ABL1: variants seen among roughly 807,000 people sequenced by gnomAD.
ABL1 encodes ABL proto-oncogene 1, non-receptor tyrosine kinase, also known as tyrosine-protein kinase ABL1.
A neutral mutation model predicts 94.7 loss-of-function variants in ABL1; 11 were observed. The observed-to-expected ratio is 0.12, with a 90% CI of 0.07 to 0.19. The LOEUF is 0.19. ABL1 is among the 10% of genes least tolerant of loss of function. ABL1 has a pLI of 1.00. For synonymous variants in ABL1, 656 were observed against 622.4 expected (o/e 1.05, Z -0.80); for missense variants, 1,082 against 1,489.4 (o/e 0.73, Z 4.50).
intron 1 of ABL1, among the ~76,000 whole-genome samples, chr9:130,771,489 A>G (rs1588232914): frequency 1.3e-5 from 2 of 152,192 alleles, no homozygotes; most frequent in South Asian, 2.1e-4. Flanking sequence ...TGACATATTC[A>G]TGTACATTAA....
chr9:130,834,949 C>A (rs1012955043), upstream of ABL1: 2 of 455,240 alleles, frequency 4.4e-6, no homozygotes, highest in Non-Finnish European at 8.8e-6. Context: ...TGGAGACGCC[C>A]CAGGCCGCGG....
chr9:130,760,602 C>T lies in ABL1; in HGVS notation c.136+46147C>T, dbSNP rs529594510. On this transcript the variant is annotated intron_variant, in intron 1 of 10. Transcript: ENST00000372348. ...ACTAAATTCTCAGTATACTGCTTCT[C>T]TAGTTGTTAAGGAAGAAAATTTCTC... Among the ~76,000 whole-genome samples the T allele has an allele frequency of 3.9e-5, 6 of 151,962 alleles. No individual in the cohort carries two copies. In the East Asian group the frequency reaches 7.7e-4, roughly 20 times the overall value.
At chr9:130,775,859 C>T (rs919992526) in intron 1 of ABL1, among the ~76,000 whole-genome samples, 1 of 152,016 alleles carries the variant, frequency 6.6e-6, no homozygotes, top group Non-Finnish European at 1.5e-5. Context: ...CCCTATTAAA[C>T]TCAAAGGAGA....
At chr9:130,869,769 G>T (rs72765074) in intron 4 of ABL1, among the ~76,000 whole-genome samples, 99 of 152,276 alleles carry the variant, frequency 6.5e-4, no homozygotes, top group Non-Finnish European at 1.2e-3. Flanking sequence ...ACAGAATTGC[G>T]TCAGGGATAT....
Position 130,863,360 on chromosome 9 carries a change from A to G in ABL1, c.822+325A>G, listed in dbSNP as rs1375908142. Among the ~76,000 whole-genome samples the G allele has an allele frequency of 6.6e-6, 1 of 152,168 alleles. No homozygotes were observed. The highest frequency in any genetic ancestry group is 1.5e-5 in the Non-Finnish European group (1 of 68,038). On this transcript the variant is annotated intron_variant, in intron 4 of 10. Coordinates refer to ENST00000318560, the MANE Select transcript of ABL1 (RefSeq NM_005157.6). The surrounding 1 kb of genome is among the most constrained non-coding windows in gnomAD (Gnocchi z 4.3). ...TGGATTTCCATGCTGTTCGTGCGGCATGGAGATCACTTCCTACCGAGAGTT... is the reference window on the plus strand; with the variant it reads ...TGGATTTCCATGCTGTTCGTGCGGCGTGGAGATCACTTCCTACCGAGAGTT...
chr9:130,773,165 A>C (rs989355112), intron 1 of ABL1, among the ~76,000 whole-genome samples: 5 of 152,076 alleles, frequency 3.3e-5, no homozygotes, highest in Non-Finnish European at 4.4e-5. Context: ...TACTGAAAAT[A>C]CAAAATTAGC....
rs1184484137 is a variant in ABL1, at chr9:130,862,598, G to C, written c.550-165G>C. On this transcript the variant is annotated intron_variant, in intron 3 of 10. Transcript: ENST00000318560. This position sits in a 1 kb window ranked among gnomAD's most constrained non-coding sequence, Gnocchi z 5.5. ...GAGCGAGTAACTTAGAGCACACGTA[G>C]AGAAAGACAGCAGAAGTGATCTTCT... is the stretch of plus-strand genomic sequence containing the variant. Among the ~76,000 whole-genome samples the C allele has an allele frequency of 1.3e-5, 2 of 152,054 alleles. No individual in the cohort carries two copies. Among genetic ancestry groups the C allele is most frequent in the African/African-American group, 4.8e-5 (2 of 41,318 alleles).
Position 130,863,127 on chromosome 9 carries a change from C to A in ABL1, c.822+92C>A. 3 of 1,411,200 alleles carry A rather than the reference C, an allele frequency of 2.1e-6. No homozygotes were observed. Among genetic ancestry groups the A allele is most frequent in the Non-Finnish European group, 2.8e-6 (3 of 1,059,020 alleles). The allele number at this position is 1,411,200 out of a possible 1,614,324, so 87.4% of individuals were successfully genotyped here. The stretch of plus-strand genomic sequence containing the variant: ...CATCTGCCTGGAAGTCTACCTCCTG[C>A]CTGCTGTCCGAGGGCTTCATTGGCG... On this transcript the variant is annotated intron_variant, in intron 4 of 10. Transcript: ENST00000318560. The surrounding 1 kb of genome is among the most constrained non-coding windows in gnomAD (Gnocchi z 4.3).
At chr9:130,737,458 G>C (rs887723365) in intron 1 of ABL1, among the ~76,000 whole-genome samples, 4 of 151,642 alleles carry the variant, frequency 2.6e-5, no homozygotes, top group African/African-American at 9.7e-5. Flanking sequence ...TGTAGAGATG[G>C]GGGTTTCACC....
intron 3 of ABL1, among the ~76,000 whole-genome samples, chr9:130,859,946 T>TG (rs1831044122): frequency 6.6e-6 from 1 of 152,172 alleles, no homozygotes; most frequent in African/African-American, 2.4e-5. Context: ...CCCAAAGTGC[T>TG]GGGATTACAG....
Position 130,835,611 on chromosome 9 carries a change from G to A in ABL1, c.79+86G>A, listed in dbSNP as rs1045739882. 15 of 1,083,728 alleles carry A rather than the reference G, an allele frequency of 1.4e-5. No individual in the cohort carries two copies. The highest frequency in any genetic ancestry group is 2.0e-5 in the Non-Finnish European group (15 of 737,318). The allele number at this position is 1,083,728 out of a possible 1,614,324, so 67.1% of individuals were successfully genotyped here. ...CCTTCCTAGGCCTCGCCGCCCGCGCGCTCCCGCCTGCGCCCTCCCCGGGTC... is the reference window on the plus strand; with the variant it reads ...CCTTCCTAGGCCTCGCCGCCCGCGCACTCCCGCCTGCGCCCTCCCCGGGTC... On this transcript the variant is annotated intron_variant, in intron 1 of 10. Transcript: ENST00000318560. This position sits in a 1 kb window ranked among gnomAD's most constrained non-coding sequence, Gnocchi z 4.6.
chr9:130,873,111 C>G (rs1388807401), intron 6 of ABL1, 74 bp downstream of exon 6: 14 of 1,504,234 alleles, frequency 9.3e-6, no homozygotes, highest in East Asian at 7.0e-5. Context: ...ACAAAAAGCC[C>G]CAGCCTAGGA....
chr9:130,835,356 G>A lies in ABL1; in HGVS notation c.-91G>A, dbSNP rs758715020. ...GGCGGCTGGCGGGGCCGGGGGCGCC[G>A]GGGGGGCGCGCGGGCCGAGCCGGGC... On this transcript the variant is annotated 5_prime_UTR_variant, in exon 1 of 11. Transcript: ENST00000318560. The surrounding 1 kb of genome is among the most constrained non-coding windows in gnomAD (Gnocchi z 4.6). 13 of 610,356 alleles carry A rather than the reference G, an allele frequency of 2.1e-5. No individual in the cohort carries two copies. Among genetic ancestry groups the A allele is most frequent in the African/African-American group, 3.5e-5 (1 of 28,962 alleles). The allele number at this position is 610,356 out of a possible 1,614,324, so 37.8% of individuals were successfully genotyped here.
intron 1 of ABL1, among the ~76,000 whole-genome samples, chr9:130,779,212 G>C (rs990068260): frequency 6.6e-6 from 1 of 152,224 alleles, no homozygotes; most frequent in Non-Finnish European, 1.5e-5. Context: ...AGCCAATCTG[G>C]AGTCACAGAG....
Position 130,880,175 on chromosome 9 carries a change from G to C in ABL1, c.1513+18G>C, listed in dbSNP as rs531967702. The C allele has an allele frequency of 6.2e-7, 1 of 1,612,014 alleles. No individual in the cohort carries two copies. Among genetic ancestry groups the C allele is most frequent in the African/African-American group, 1.3e-5 (1 of 74,682 alleles). On this transcript the variant is annotated intron_variant, in intron 9 of 10. Coordinates refer to ENST00000318560, the MANE Select transcript of ABL1 (RefSeq NM_005157.6). This position sits in a 1 kb window ranked among gnomAD's most constrained non-coding sequence, Gnocchi z 4.4. ...CTCAGACGGTAAAGTACCCATCCCGGGGTACCTGCAGTGGGGTGAAAGGGC... is the reference window on the plus strand; with the variant it reads ...CTCAGACGGTAAAGTACCCATCCCGCGGTACCTGCAGTGGGGTGAAAGGGC...
rs1182804917 is a variant in ABL1 at position 130,799,317 on chromosome 9, G to T, written c.137-54747G>T. On this transcript the variant is annotated intron_variant, in intron 1 of 10. Transcript: ENST00000372348. ...GTGACCACGAAAGGGCCATGGGAAA[G>T]AATTATTGATGGGTTACAGGTGCAT... Among the ~76,000 whole-genome samples the T allele has an allele frequency of 2.6e-5, 4 of 152,204 alleles. No homozygotes were observed. The East Asian group carries it at 5.8e-4, about 22-fold the overall frequency.
chr9:130,729,982 A>T (rs1434297030), intron 1 of ABL1, among the ~76,000 whole-genome samples: 1 of 146,644 alleles, frequency 6.8e-6, no homozygotes, highest in Non-Finnish European at 1.5e-5. Context: ...ACCTCAAGTG[A>T]TCCACCTGCC....
At chr9:130,751,566 C>T (rs554986276) in intron 1 of ABL1, among the ~76,000 whole-genome samples, 3 of 152,304 alleles carry the variant, frequency 2.0e-5, no homozygotes, top group South Asian at 2.1e-4. Flanking sequence ...GGAACGGCCT[C>T]ATAGACCTGG....
chr9:130,777,408 C>G (rs953258013), intron 1 of ABL1, among the ~76,000 whole-genome samples: 1 of 151,452 alleles, frequency 6.6e-6, no homozygotes, highest in South Asian at 2.1e-4. Flanking sequence ...TGCATTAGTA[C>G]CTTCTAGACT....
Sources: allele counts gnomAD v4.1 joint callset (sites outside exome capture counted in the v4.1 genomes callset), GRCh38; gene constraint gnomAD v4.1.1; non-coding constraint Gnocchi (gnomAD v3.1); transcripts MANE v1.5; gene names NCBI Gene and HGNC (gene_info 2026-07-23, HGNC 2026-07-21).